CYFIP2: variants seen among roughly 807,000 people sequenced by gnomAD.
CYFIP2 encodes cytoplasmic FMR1-interacting protein 2.
Under a neutral mutation model 158.7 loss-of-function variants are expected in CYFIP2, and 29 were observed. The observed-to-expected ratio is 0.18, with a 90% CI of 0.14 to 0.25. The LOEUF is 0.25. Among genes scored for constraint, CYFIP2 ranks in the 10% least tolerant of loss-of-function variants. The pLI is 1.00. For synonymous variants in CYFIP2, 585 were observed against 617.6 expected (o/e 0.95, Z 0.78); for missense variants, 852 against 1,639.5 (o/e 0.52, Z 8.29).
chr5:157,343,823 T>A (rs937863857), intron 23 of CYFIP2, among the ~76,000 whole-genome samples: 2 of 151,932 alleles, frequency 1.3e-5, no homozygotes, highest in Non-Finnish European at 2.9e-5. Context: ...ATCCTTCAGA[T>A]AACAAAGGGG....
intron 23 of CYFIP2, chr5:157,342,906 C>G (rs201701167): frequency 9.9e-6 from 16 of 1,613,984 alleles, no homozygotes; most frequent in Non-Finnish European, 1.3e-5. Context: ...TCACCACCCC[C>G]CCTCTGTAAG....
At chr5:157,349,872 C>T (rs7725243) in intron 23 of CYFIP2, among the ~76,000 whole-genome samples, 71,318 of 152,060 alleles carry the variant, frequency 0.47, 18,469 homozygotes, top group African/African-American at 0.71. Flanking sequence ...ATTAGCGATG[C>T]TGAGCTTTTT....
chr5:157,323,047 G>A (rs1175601757), intron 15 of CYFIP2: 1 of 1,534,860 alleles, frequency 6.5e-7, no homozygotes. Context: ...GTTGGTTTGG[G>A]TACCCTTCTC....
intron 1 of CYFIP2, among the ~76,000 whole-genome samples, chr5:157,278,286 G>T (rs1192488770): frequency 6.6e-6 from 1 of 152,090 alleles, no homozygotes; most frequent in Non-Finnish European, 1.5e-5. Context: ...ATACGGACAT[G>T]GAAAATATTT....
At position 157,393,207 on chromosome 5, in the gene CYFIP2, G is replaced by GAAAAAAAA; in HGVS notation, c.*217_*224dup. 1 of 270,236 alleles carries GAAAAAAAA rather than the reference G, an allele frequency of 3.7e-6. No individual in the cohort carries two copies. The highest frequency in any genetic ancestry group is 6.7e-6 in the Non-Finnish European group (1 of 150,074). 16.7% of individuals were successfully genotyped at this position (270,236 alleles called of 1,614,324 possible). ...ATGCTGGTTTCTCCATAGCATAAATGAAAAAAAAAAAAAAAAAGTAAACAG... is the reference window on the plus strand; with the variant it reads ...ATGCTGGTTTCTCCATAGCATAAATGAAAAAAAAAAAAAAAAAAAAAAAAAGTAAACAG... On this transcript the variant is annotated 3_prime_UTR_variant, in exon 31 of 31. Coordinates refer to ENST00000620254, the MANE Select transcript of CYFIP2 (RefSeq NM_001037333.3).
chr5:157,272,805 C>T (rs1200721246), intron 1 of CYFIP2, among the ~76,000 whole-genome samples: 1 of 152,220 alleles, frequency 6.6e-6, no homozygotes, highest in Admixed American at 6.5e-5. Flanking sequence ...ATTATATTTC[C>T]TTTCTTAGAG....
rs530331096 is a variant in CYFIP2, at chr5:157,353,702, T to C, written c.2674-5303T>C. 6.6e-5 allele frequency among the ~76,000 whole-genome samples: 10 copies of C among 152,328 alleles called. No homozygotes were observed. In the South Asian group the frequency reaches 1.4e-3, roughly 22 times the overall value. On this transcript the variant is annotated intron_variant, in intron 23 of 30. Transcript: ENST00000620254. ...ATTTACCTGCAGTGATTTTAGGGAA[T>C]TGAGCTGCAGCCATTCCACCTAAAT... is the stretch of plus-strand genomic sequence containing the variant.
intron 23 of CYFIP2, among the ~76,000 whole-genome samples, chr5:157,358,667 GT>G (rs1293272419): frequency 3.3e-5 from 5 of 152,220 alleles, no homozygotes; most frequent in Non-Finnish European, 1.5e-5. Flanking sequence ...GATATCGGCT[GT>G]TTATCTTTTC....
At chr5:157,269,997 C>G (rs187263426) in intron 1 of CYFIP2, among the ~76,000 whole-genome samples, 10 of 152,352 alleles carry the variant, frequency 6.6e-5, no homozygotes, top group African/African-American at 2.2e-4. Context: ...GGTGCAAATT[C>G]TTGAAAGAAA....
intron 26 of CYFIP2, among the ~76,000 whole-genome samples, chr5:157,370,005 C>T (rs925398888): frequency 3.9e-5 from 6 of 151,914 alleles, no homozygotes; most frequent in South Asian, 2.1e-4. Flanking sequence ...CTCAGCCTCC[C>T]GAGTAGCTGG....
Position 157,325,537 on chromosome 5 carries a change from G to A in CYFIP2, c.1881G>A (p.Leu627=), listed in dbSNP as rs1221998459. 1 of 1,613,266 alleles carries A rather than the reference G, an allele frequency of 6.2e-7. No homozygotes were observed. The highest frequency in any genetic ancestry group is 1.1e-5 in the South Asian group (1 of 90,814). Reference sequence around the variant, plus strand: ...AGCTCTGGTTCCGAGAATTCTTCCTGGAGTTAACCATGGGCCGACGAATCC... The same window carrying A: ...AGCTCTGGTTCCGAGAATTCTTCCTAGAGTTAACCATGGGCCGACGAATCC... ...LSQLWFREFF[L]ELTMGRRIQF... Residue 627 remains leucine (L), a synonymous_variant, in exon 17 of 31, where the codon CTG becomes CTA. Transcript: ENST00000620254.
rs371357141 is a variant in CYFIP2, at chr5:157,285,674, C to T, written c.117+196C>T. On this transcript the variant is annotated intron_variant, in intron 2 of 30. Transcript: ENST00000620254. ...ACTAAATGTGCCGCAGGACTGTTTC[C>T]CTCCCTCCCCCAGGGAAGTCTTGTT... is the stretch of plus-strand genomic sequence containing the variant. Among the ~76,000 whole-genome samples the T allele has an allele frequency of 9.9e-4, 151 of 152,258 alleles. 1 individual carries two copies. The highest frequency in any genetic ancestry group is 3.4e-3 in the African/African-American group (140 of 41,572).
At chr5:157,308,296 C>T (rs1388300987) in intron 9 of CYFIP2, among the ~76,000 whole-genome samples, 1 of 151,998 alleles carries the variant, frequency 6.6e-6, no homozygotes. Flanking sequence ...TAAATTGGTT[C>T]ACATTTGCAA....
rs558877281 is a variant in CYFIP2 at position 157,372,954 on chromosome 5, G to C, written c.3040-9636G>C. Among the ~76,000 whole-genome samples the C allele has an allele frequency of 2.6e-5, 4 of 152,308 alleles. No homozygotes were observed. In the East Asian group the frequency reaches 5.8e-4, roughly 22 times the overall value. Reference sequence around the variant, plus strand: ...TGCCTTCTCCCTATGCTCTGTTTAAGAGAAATGTCTCAAACCCAGCTCCAC... The same window carrying C: ...TGCCTTCTCCCTATGCTCTGTTTAACAGAAATGTCTCAAACCCAGCTCCAC... On this transcript the variant is annotated intron_variant, in intron 26 of 30. Coordinates refer to ENST00000620254, the MANE Select transcript of CYFIP2 (RefSeq NM_001037333.3).
intron 11 of CYFIP2, among the ~76,000 whole-genome samples, chr5:157,312,917 G>A (rs771440840): frequency 6.6e-6 from 1 of 151,714 alleles, no homozygotes; most frequent in Non-Finnish European, 1.5e-5. Context: ...TCATTATGTT[G>A]CCCAGGCTGG....
intron 7 of CYFIP2, among the ~76,000 whole-genome samples, chr5:157,304,007 A>G (rs1162570807): frequency 6.6e-6 from 1 of 152,102 alleles, no homozygotes; most frequent in African/African-American, 2.4e-5. Context: ...GCCTGGGAAT[A>G]AAATAGGGGG....
chr5:157,286,079 G>A (rs1184245575), intron 2 of CYFIP2, among the ~76,000 whole-genome samples: 1 of 152,116 alleles, frequency 6.6e-6, no homozygotes, highest in Admixed American at 6.5e-5. Context: ...CCTTTTGATA[G>A]TTCTCAGATT....
intron 7 of CYFIP2, 64 bp downstream of exon 7, chr5:157,302,954 G>C (rs1474513430): frequency 3.7e-6 from 5 of 1,346,118 alleles, no homozygotes; most frequent in African/African-American, 1.5e-5. Flanking sequence ...GCGTGTAGAG[G>C]TTGGGTGGAC....
chr5:157,370,531 A>G lies in CYFIP2; in HGVS notation c.3039+8933A>G, dbSNP rs1292728485. The stretch of plus-strand genomic sequence containing the variant: ...ACACAAGCCCTACTCCCTCTTTGAT[A>G]AAAACAAGATTAGTAAATATTAGGT... On this transcript the variant is annotated intron_variant, in intron 26 of 30. Coordinates refer to ENST00000620254, the MANE Select transcript of CYFIP2 (RefSeq NM_001037333.3). 2.6e-5 allele frequency among the ~76,000 whole-genome samples: 4 copies of G among 152,242 alleles called. No homozygotes were observed. In the East Asian group the frequency reaches 7.7e-4, roughly 29 times the overall value.
Sources: allele counts gnomAD v4.1 joint callset (sites outside exome capture counted in the v4.1 genomes callset), GRCh38; gene constraint gnomAD v4.1.1; transcripts MANE v1.5; gene names NCBI Gene and HGNC (gene_info 2026-07-23, HGNC 2026-07-21).